Variants in CACHD1 observed in about 807,000 individuals in gnomAD.
CACHD1 encodes the protein cache domain containing 1.
CACHD1 carries 71 observed loss-of-function variants against 138.7 expected under a neutral mutation model. The observed-to-expected ratio is 0.51, with a 90% CI of 0.42 to 0.62. The LOEUF is 0.62. Ranked by LOEUF, CACHD1 falls within the 20% of genes least tolerant of loss-of-function variation. The probability of loss-of-function intolerance (pLI) is 0.00; values close to 1 mark genes in which losing one functional copy is unlikely to be tolerated. For synonymous variants in CACHD1, 578 were observed against 591.5 expected, an observed-to-expected ratio of 0.98 and a Z score of 0.33; for missense variants, 1,389 against 1,625.3, an observed-to-expected ratio of 0.85 and a Z score of 2.50.
intron 1 of CACHD1, among the ~76,000 whole-genome samples, chr1:64,521,190 G>A (rs1333059235): frequency 3.9e-5 from 6 of 152,162 alleles, no homozygotes. Flanking sequence ...CTGTCGTAGG[G>A]CAGAGGTCTC....
intron 12 of CACHD1, among the ~76,000 whole-genome samples, chr1:64,656,790 C>T (rs1032900564): frequency 6.7e-6 from 1 of 149,074 alleles, no homozygotes; most frequent in Non-Finnish European, 1.5e-5. Context: ...AGATTGGAGA[C>T]TTAAAAAAAA....
Position 64,679,697 on chromosome 1 carries a change from C to T in CACHD1, c.3347C>T (p.Ala1116Val). The T allele has an allele frequency of 1.9e-6, 3 of 1,614,124 alleles. No individual in the cohort carries two copies. The highest frequency in any genetic ancestry group is 2.5e-6 in the Non-Finnish European group (3 of 1,179,994). Residue 1116 changes from alanine (A) to valine (V), a missense_variant, in exon 24 of 27, where the codon GCC becomes GTC. Transcript: ENST00000651257. ...CIMVLVLAVYAYRHQIHRRSH... is the reference protein window; with the variant it reads ...CIMVLVLAVYVYRHQIHRRSH... The stretch of plus-strand genomic sequence containing the variant: ...ATGGTCTTGGTCCTGGCGGTGTATG[C>T]CTACCGCCACCAGATTCATCGCCGG...
At chr1:64,616,946 T>G (rs1426665166) in intron 4 of CACHD1, among the ~76,000 whole-genome samples, 13 of 151,998 alleles carry the variant, frequency 8.6e-5, no homozygotes, top group Non-Finnish European at 1.5e-5. Context: ...GAAAGATTAC[T>G]GATAACTTAG....
At chr1:64,582,449 G>T in intron 3 of CACHD1, 145 bp downstream of exon 3, 1 of 708,868 alleles carries the variant, frequency 1.4e-6, no homozygotes, top group Non-Finnish European at 2.2e-6. Context: ...TTTATCTTTA[G>T]ATAAGTGATT....
intron 1 of CACHD1, among the ~76,000 whole-genome samples, chr1:64,546,800 T>A (rs537224742): frequency 2.6e-5 from 4 of 152,212 alleles, no homozygotes; most frequent in Non-Finnish European, 4.4e-5. Context: ...AAAAGCCCCG[T>A]ACTCTATTTC....
intron 7 of CACHD1, among the ~76,000 whole-genome samples, chr1:64,637,671 GC>G (rs1338030079): frequency 6.6e-6 from 1 of 152,146 alleles, no homozygotes; most frequent in African/African-American, 2.4e-5. Flanking sequence ...AATTTTGAAG[GC>G]ACAGTTTTCT....
intron 7 of CACHD1, among the ~76,000 whole-genome samples, chr1:64,638,737 C>G (rs937889586): frequency 1.3e-5 from 2 of 152,034 alleles, no homozygotes; most frequent in African/African-American, 4.8e-5. Flanking sequence ...ACATTTTCTT[C>G]CAGTTACATG....
chr1:64,627,699 C>T (rs911672924), intron 4 of CACHD1, among the ~76,000 whole-genome samples: 1 of 152,082 alleles, frequency 6.6e-6, no homozygotes, highest in Middle Eastern at 3.2e-3. Flanking sequence ...GTAATTAGTC[C>T]ACCCACTTTT....
At chr1:64,689,885 G>A (rs1650492589) in intron 26 of CACHD1, among the ~76,000 whole-genome samples, 1 of 152,124 alleles carries the variant, frequency 6.6e-6, no homozygotes, top group East Asian at 1.9e-4. Context: ...CCCTCTTCTG[G>A]ATTTTAATTA....
intron 7 of CACHD1, among the ~76,000 whole-genome samples, chr1:64,634,496 A>C (rs972325064): frequency 6.6e-6 from 1 of 151,640 alleles, no homozygotes; most frequent in African/African-American, 2.4e-5. Flanking sequence ...CAATCTTTCT[A>C]CTTCAGCCTC....
intron 22 of CACHD1, 113 bp downstream of exon 22, chr1:64,677,124 G>A: frequency 3.8e-6 from 3 of 796,698 alleles, no homozygotes; most frequent in South Asian, 1.7e-5. Flanking sequence ...ATTTCCATAA[G>A]CCTTTACCCA....
At chr1:64,486,452 G>A (rs1049797623) in intron 1 of CACHD1, among the ~76,000 whole-genome samples, 3 of 151,478 alleles carry the variant, frequency 2.0e-5, no homozygotes, top group Admixed American at 1.3e-4. Flanking sequence ...TTTATCTTCC[G>A]GATGTGGACT....
At chr1:64,480,344 C>G (rs1339862784) in intron 1 of CACHD1, among the ~76,000 whole-genome samples, 2 of 152,014 alleles carry the variant, frequency 1.3e-5, no homozygotes, top group South Asian at 2.1e-4. Flanking sequence ...TTTTTTGACC[C>G]TTTTCGTGAT....
At chr1:64,540,884 A>T (rs771007622) in intron 1 of CACHD1, among the ~76,000 whole-genome samples, 1 of 152,166 alleles carries the variant, frequency 6.6e-6, no homozygotes, top group Admixed American at 6.5e-5. Flanking sequence ...TTCAGAGCTC[A>T]TGTTGGTTTG....
chr1:64,503,197 G>C (rs759441901), intron 1 of CACHD1, among the ~76,000 whole-genome samples: 3 of 152,138 alleles, frequency 2.0e-5, no homozygotes, highest in African/African-American at 7.2e-5. Flanking sequence ...CTGGCTGATA[G>C]TGGGAGTTTT....
intron 1 of CACHD1, among the ~76,000 whole-genome samples, chr1:64,545,094 T>C (rs1646708478): frequency 1.3e-5 from 2 of 152,222 alleles, no homozygotes; most frequent in Non-Finnish European, 2.9e-5. Context: ...GCCCAGTTAC[T>C]AGAGTCTTGC....
At chr1:64,637,243 A>G (rs1260525348) in intron 7 of CACHD1, among the ~76,000 whole-genome samples, 3 of 152,216 alleles carry the variant, frequency 2.0e-5, no homozygotes, top group Non-Finnish European at 4.4e-5. Flanking sequence ...GCAAACTCAG[A>G]TGTCCACAGT....
At chr1:64,583,368 A>C (rs550577381) in intron 3 of CACHD1, among the ~76,000 whole-genome samples, 8 of 152,320 alleles carry the variant, frequency 5.3e-5, no homozygotes, top group Admixed American at 5.2e-4. Context: ...GACTGTCTGG[A>C]TAGGAATTCT....
At chr1:64,642,516 A>G (rs1648752320) in intron 8 of CACHD1, among the ~76,000 whole-genome samples, 1 of 152,180 alleles carries the variant, frequency 6.6e-6, no homozygotes, top group South Asian at 2.1e-4. Context: ...ACTTATTAAA[A>G]TGGATTGTGC....
Sources: allele counts gnomAD v4.1 joint callset (sites outside exome capture counted in the v4.1 genomes callset), GRCh38; gene constraint gnomAD v4.1.1; transcripts MANE v1.5; gene names NCBI Gene and HGNC (gene_info 2026-07-23, HGNC 2026-07-21).